PTPRD: variants seen among roughly 807,000 people sequenced by gnomAD.
PTPRD encodes protein tyrosine phosphatase receptor type D, also known as receptor-type tyrosine-protein phosphatase delta.
Under a neutral mutation model 214.5 loss-of-function variants are expected in PTPRD, and 34 were observed. The observed-to-expected ratio is 0.16, with a 90% CI of 0.12 to 0.21. PTPRD has a LOEUF of 0.21. Ranked by LOEUF, PTPRD falls within the 10% of genes least tolerant of loss-of-function variation. The probability of loss-of-function intolerance (pLI) is 1.00; values close to 1 mark genes in which losing one functional copy is unlikely to be tolerated. For missense variants in PTPRD, 2,545 were observed against 2,398.7 expected, an observed-to-expected ratio of 1.06 and a Z score of -1.27; for synonymous variants, 1,128 against 845.7, an observed-to-expected ratio of 1.33 and a Z score of -5.79.
chr9:10,605,961 G>C (rs1202773508), intron 2 of PTPRD, among the ~76,000 whole-genome samples: 1 of 151,752 alleles, frequency 6.6e-6, no homozygotes, highest in African/African-American at 2.4e-5. Flanking sequence ...AAATAGAAGA[G>C]GGTGCAACCT....
chr9:8,373,612 G>GGTGTGTGTGT (rs36212158), intron 39 of PTPRD, among the ~76,000 whole-genome samples: 3 of 141,572 alleles, frequency 2.1e-5, no homozygotes, highest in South Asian at 2.3e-4. Flanking sequence ...CATGGATGCG[G>GGTGTGTGTGT]GTGTGTGTGT....
At chr9:9,359,752 G>A (rs972610444) in intron 9 of PTPRD, among the ~76,000 whole-genome samples, 1 of 151,082 alleles carries the variant, frequency 6.6e-6, no homozygotes, top group Non-Finnish European at 1.5e-5. Flanking sequence ...TGACTTTATT[G>A]ACATCTGACT....
At chr9:9,062,024 C>A (rs938979977) in intron 10 of PTPRD, among the ~76,000 whole-genome samples, 1 of 152,096 alleles carries the variant, frequency 6.6e-6, no homozygotes, top group Non-Finnish European at 1.5e-5. Flanking sequence ...AGCATCTTTA[C>A]AAATATTACT....
intron 25 of PTPRD, among the ~76,000 whole-genome samples, chr9:8,497,723 G>C (rs986424663): frequency 6.6e-6 from 1 of 151,934 alleles, no homozygotes; most frequent in Non-Finnish European, 1.5e-5. Flanking sequence ...AGATGGGAAA[G>C]AAAGAAAATA....
intron 11 of PTPRD, among the ~76,000 whole-genome samples, chr9:8,769,854 A>G (rs1330777548): frequency 6.6e-6 from 1 of 152,116 alleles, no homozygotes; most frequent in African/African-American, 2.4e-5. Flanking sequence ...CCTGCTCCCA[A>G]TCCAAGGATG....
intron 3 of PTPRD, among the ~76,000 whole-genome samples, chr9:10,297,620 T>C (rs1439269550): frequency 1.3e-5 from 2 of 151,838 alleles, no homozygotes; most frequent in Non-Finnish European, 1.5e-5. Flanking sequence ...GTTGCTGGTG[T>C]ACACTCTAGG....
chr9:8,641,560 A>G (rs1241947746), intron 12 of PTPRD, among the ~76,000 whole-genome samples: 2 of 139,210 alleles, frequency 1.4e-5, no homozygotes, highest in East Asian at 2.0e-4. Flanking sequence ...CAGAAAGTCT[A>G]TTTTCTAAAT....
chr9:9,981,354 A>ATTCT (rs36081416), intron 4 of PTPRD, among the ~76,000 whole-genome samples: 30,853 of 137,988 alleles, frequency 0.22, 5,632 homozygotes, highest in African/African-American at 0.47. Context: ...ACATTAAACA[A>ATTCT]TTTTTTTTTT....
chr9:9,525,991 G>A (rs1039213633), intron 8 of PTPRD, among the ~76,000 whole-genome samples: 3 of 151,954 alleles, frequency 2.0e-5, no homozygotes, highest in Non-Finnish European at 4.4e-5. Flanking sequence ...TGTGAGAATA[G>A]CATCTTAAGT....
intron 3 of PTPRD, among the ~76,000 whole-genome samples, chr9:10,064,453 A>T (rs2097840728): frequency 6.6e-6 from 1 of 151,950 alleles, no homozygotes; most frequent in Non-Finnish European, 1.5e-5. Flanking sequence ...GAGGCAGGAA[A>T]ATATATTTAT....
intron 30 of PTPRD, among the ~76,000 whole-genome samples, chr9:8,478,296 C>T (rs756995048): frequency 3.3e-5 from 5 of 152,104 alleles, no homozygotes; most frequent in Non-Finnish European, 7.4e-5. Flanking sequence ...CATTAGGCTG[C>T]TAATAGTGGA....
At chr9:9,894,136 C>T (rs145206721) in intron 5 of PTPRD, among the ~76,000 whole-genome samples, 2,045 of 152,084 alleles carry the variant, frequency 0.013, 31 homozygotes, top group Middle Eastern at 0.02. Flanking sequence ...TTTAATATGT[C>T]ACATGAACAC....
intron 6 of PTPRD, among the ~76,000 whole-genome samples, chr9:9,739,737 C>CT (rs761306892): frequency 1.3e-5 from 2 of 151,682 alleles, no homozygotes; most frequent in African/African-American, 2.4e-5. Context: ...TATTTCTCTT[C>CT]TTTTGTATTT....
At chr9:8,494,164 G>A (rs1303262973) in intron 26 of PTPRD, among the ~76,000 whole-genome samples, 1 of 152,068 alleles carries the variant, frequency 6.6e-6, no homozygotes, top group African/African-American at 2.4e-5. Context: ...TGACGAGTAC[G>A]AATTATATTG....
chr9:9,176,997 T>C (rs2131250623), intron 10 of PTPRD, among the ~76,000 whole-genome samples: 1 of 152,284 alleles, frequency 6.6e-6, no homozygotes, highest in South Asian at 2.1e-4. Context: ...TGTCTGTATA[T>C]CCTAATGCCC....
chr9:10,031,647 T>TATATATACACACACACACACACAC, intron 4 of PTPRD, among the ~76,000 whole-genome samples: 3 of 89,692 alleles, frequency 3.3e-5, no homozygotes, highest in South Asian at 3.3e-4. Flanking sequence ...TATATATATA[T>TATATATACACACACACACACACAC]ACACACACAC....
At chr9:10,291,841 A>T (rs940831629) in intron 3 of PTPRD, among the ~76,000 whole-genome samples, 1 of 152,084 alleles carries the variant, frequency 6.6e-6, no homozygotes, top group African/African-American at 2.4e-5. Context: ...CGTAAAGAAA[A>T]TTTGAAAGAG....
intron 5 of PTPRD, among the ~76,000 whole-genome samples, chr9:9,842,743 G>T (rs1209688758): frequency 6.8e-6 from 1 of 146,338 alleles, no homozygotes; most frequent in Admixed American, 6.9e-5. Flanking sequence ...CATCAGTGTT[G>T]TGCTTCATAC....
intron 2 of PTPRD, among the ~76,000 whole-genome samples, chr9:10,503,203 A>T (rs956144246): frequency 7.5e-6 from 1 of 133,872 alleles, no homozygotes; most frequent in African/African-American, 3.3e-5. Flanking sequence ...CAAAAAAAAA[A>T]AAAACAAAAA....
Sources: gnomAD v4.1 joint callset for allele counts (sites outside exome capture counted in the v4.1 genomes callset) on GRCh38, gnomAD v4.1.1 for gene constraint, MANE v1.5 for transcripts, NCBI Gene and HGNC (gene_info 2026-07-23, HGNC 2026-07-21) for gene names.